The following SLC9A9 variants were observed in gnomAD, a reference collection of about 807,000 sequenced individuals.
The protein encoded by SLC9A9 is sodium/hydrogen exchanger 9.
A neutral mutation model predicts 77.8 loss-of-function variants in SLC9A9; 62 were observed. That is an observed-to-expected ratio of 0.80 (90% CI 0.65 to 0.98). The LOEUF (loss-of-function observed/expected upper bound fraction) is 0.98, where lower values mean the gene tolerates loss of function less well. Among genes scored for constraint, SLC9A9 ranks in the 50% least tolerant of loss-of-function variants. The probability of loss-of-function intolerance (pLI) is 0.00; values close to 1 mark genes in which losing one functional copy is unlikely to be tolerated. For missense variants in SLC9A9, 775 were observed against 774.9 expected, an observed-to-expected ratio of 1.00 and a Z score of 0.00; for synonymous variants, 320 against 283.5, an observed-to-expected ratio of 1.13 and a Z score of -1.29.
intron 5 of SLC9A9, 35 bp from the exon 6 acceptor site, chr3:143,652,395 G>C: frequency 1.3e-6 from 2 of 1,539,792 alleles, no homozygotes; most frequent in Non-Finnish European, 1.8e-6. Flanking sequence ...AGGTTAGCTT[G>C]GATGCAGGCA....
At chr3:143,771,080 A>T (rs1342041291) in intron 4 of SLC9A9, among the ~76,000 whole-genome samples, 1 of 152,208 alleles carries the variant, frequency 6.6e-6, no homozygotes, top group Non-Finnish European at 1.5e-5. Context: ...ACAATGAGAG[A>T]TTATTTTCTA....
At chr3:143,766,495 C>T (rs575640887) in intron 4 of SLC9A9, among the ~76,000 whole-genome samples, 62 of 152,248 alleles carry the variant, frequency 4.1e-4, no homozygotes, top group African/African-American at 1.4e-3. Flanking sequence ...TTGCTTTAAA[C>T]ATTAAGGAAT....
At chr3:143,572,185 T>C (rs2037272394) in intron 8 of SLC9A9, among the ~76,000 whole-genome samples, 1 of 152,172 alleles carries the variant, frequency 6.6e-6, no homozygotes, top group African/African-American at 2.4e-5. Flanking sequence ...ACTAGCAATT[T>C]GTTCAGTTTC....
chr3:143,589,399 T>G (rs1454706747), intron 6 of SLC9A9, among the ~76,000 whole-genome samples: 5 of 152,182 alleles, frequency 3.3e-5, no homozygotes, highest in Non-Finnish European at 5.9e-5. Flanking sequence ...CACAACAGAC[T>G]GCATATACAA....
chr3:143,640,146 C>T (rs1036846213), intron 6 of SLC9A9, among the ~76,000 whole-genome samples: 2 of 151,714 alleles, frequency 1.3e-5, no homozygotes, highest in Non-Finnish European at 1.5e-5. Flanking sequence ...CTCAGCCTCC[C>T]AGTTAGCTGG....
chr3:143,503,025 T>C (rs1256412235), intron 9 of SLC9A9, among the ~76,000 whole-genome samples: 3 of 152,242 alleles, frequency 2.0e-5, no homozygotes, highest in African/African-American at 4.8e-5. Context: ...ATAAATGCTA[T>C]TGAAATGATA....
chr3:143,550,737 T>A (rs1361977594), intron 9 of SLC9A9, among the ~76,000 whole-genome samples: 1 of 152,204 alleles, frequency 6.6e-6, no homozygotes, highest in Non-Finnish European at 1.5e-5. Context: ...CAATAAATGA[T>A]TATTGTTGGA....
chr3:143,453,455 T>C (rs1293779230), intron 12 of SLC9A9, among the ~76,000 whole-genome samples: 1 of 152,094 alleles, frequency 6.6e-6, no homozygotes. Context: ...TTATTATACA[T>C]ACAAAATTTT....
chr3:143,376,367 G>A (rs989926678), intron 13 of SLC9A9, among the ~76,000 whole-genome samples: 14 of 152,164 alleles, frequency 9.2e-5, no homozygotes, highest in Admixed American at 5.9e-4. Context: ...AGAATGAAAC[G>A]GCTTTGGCCT....
chr3:143,336,126 T>C (rs1043059181), intron 14 of SLC9A9, among the ~76,000 whole-genome samples: 3 of 152,186 alleles, frequency 2.0e-5, no homozygotes, highest in Non-Finnish European at 4.4e-5. Context: ...AAAGAAGATA[T>C]GCAAGTTAAC....
intron 4 of SLC9A9, among the ~76,000 whole-genome samples, chr3:143,727,533 A>G (rs1576685689): frequency 2.0e-5 from 3 of 152,186 alleles, no homozygotes; most frequent in Admixed American, 2.0e-4. Context: ...TTTAGGACCA[A>G]CACTAGTTTC....
At chr3:143,294,085 T>C (rs2030139554) in intron 14 of SLC9A9, among the ~76,000 whole-genome samples, 1 of 152,244 alleles carries the variant, frequency 6.6e-6, no homozygotes, top group Non-Finnish European at 1.5e-5. Flanking sequence ...TAAAGTAAAT[T>C]ACAAAAAGTT....
chr3:143,382,385 G>A (rs1297856902), intron 12 of SLC9A9, among the ~76,000 whole-genome samples: 1 of 152,130 alleles, frequency 6.6e-6, no homozygotes, highest in African/African-American at 2.4e-5. Flanking sequence ...TGAGAACCTA[G>A]GACAGCAGCC....
At chr3:143,445,090 C>A (rs987388488) in intron 12 of SLC9A9, among the ~76,000 whole-genome samples, 2 of 152,148 alleles carry the variant, frequency 1.3e-5, no homozygotes, top group Non-Finnish European at 2.9e-5. Context: ...TCCACAGAGG[C>A]TCTCTCCATT....
In SLC9A9 at chr3:143,740,251, G is replaced by T. The variant is rs183331452; in HGVS notation, c.534-46944C>A. Among the ~76,000 whole-genome samples, 798 of 152,170 alleles carry T rather than the reference G, an allele frequency of 5.2e-3. 6 individuals carry two copies. The highest frequency in any genetic ancestry group is 7.4e-3 in the Admixed American group (113 of 15,274). On this transcript the variant is annotated intron_variant, in intron 4 of 15. Coordinates refer to ENST00000316549, the MANE Select transcript of SLC9A9 (RefSeq NM_173653.4). ...TTTAGACAAAAAAATGAGAGAGAGA[G>T]ATATATATATAGCCAAATTATTGTT...
intron 14 of SLC9A9, among the ~76,000 whole-genome samples, chr3:143,309,817 A>G (rs2030950893): frequency 6.6e-6 from 1 of 152,012 alleles, no homozygotes; most frequent in Non-Finnish European, 1.5e-5. Context: ...GCATCTGGTT[A>G]TGTGCCTGGT....
At chr3:143,613,986 C>T (rs369204802) in intron 6 of SLC9A9, among the ~76,000 whole-genome samples, 2 of 152,086 alleles carry the variant, frequency 1.3e-5, no homozygotes, top group African/African-American at 4.8e-5. Context: ...ATTGAACTTT[C>T]CTATCCAACA....
At chr3:143,809,114 A>G (rs983133854) in intron 2 of SLC9A9, among the ~76,000 whole-genome samples, 7 of 152,154 alleles carry the variant, frequency 4.6e-5, no homozygotes, top group Admixed American at 3.3e-4. Context: ...TAGCATAGAG[A>G]TGTATTTCTG....
intron 4 of SLC9A9, among the ~76,000 whole-genome samples, chr3:143,741,277 C>T (rs926291252): frequency 6.6e-6 from 1 of 151,950 alleles, no homozygotes; most frequent in African/African-American, 2.4e-5. Context: ...ACTCTCCCCC[C>T]AAAAAATCAC....
Sources: gnomAD v4.1 joint callset for allele counts (sites outside exome capture counted in the v4.1 genomes callset) on GRCh38, gnomAD v4.1.1 for gene constraint, MANE v1.5 for transcripts, NCBI Gene and HGNC (gene_info 2026-07-23, HGNC 2026-07-21) for gene names.